Variants in RDX observed in about 807,000 individuals in gnomAD.
RDX encodes deafness, autosomal recessive 24.
RDX carries 32 observed loss-of-function variants against 83.7 expected under a neutral mutation model. The observed-to-expected ratio is 0.38, with a 90% CI of 0.29 to 0.51. RDX has a LOEUF of 0.51. Ranked by LOEUF, RDX falls within the 20% of genes least tolerant of loss-of-function variation. The pLI is 0.87. For synonymous variants in RDX, 229 were observed against 222.7 expected (o/e 1.03, Z -0.25); for missense variants, 600 against 689.9 (o/e 0.87, Z 1.46).
At chr11:110,233,139 G>T in intron 13 of RDX, 98 bp downstream of exon 13, 1 of 1,421,286 alleles carries the variant, frequency 7.0e-7, no homozygotes, top group Non-Finnish European at 9.9e-7. Flanking sequence ...AGGGCAGCCA[G>T]TATTAAAACT....
intron 5 of RDX, among the ~76,000 whole-genome samples, chr11:110,261,559 C>T (rs1323016299): frequency 6.6e-6 from 1 of 151,950 alleles, no homozygotes; most frequent in African/African-American, 2.4e-5. Context: ...AAAAAGTGTC[C>T]GATATACCAT....
intron 1 of RDX, among the ~76,000 whole-genome samples, chr11:110,292,389 G>A (rs955678975): frequency 6.6e-6 from 1 of 152,088 alleles, no homozygotes; most frequent in Non-Finnish European, 1.5e-5. Context: ...AGGATCACTT[G>A]AGCCCAGGAG....
Position 110,257,880 on chromosome 11 carries a change from T to G in RDX, c.585A>C (p.Ala195=). Residue 195 remains alanine (A), a synonymous_variant, in exon 7 of 14, where the codon GCA becomes GCC. Coordinates refer to ENST00000645495, the MANE Select transcript of RDX (RefSeq NM_002906.4). ...EDSMMEYLKI[A]QDLEMYGVNY... ...TGACTCCATACATTTCTAGATCTTG[T>G]GCAATCTTCAGGTATTCCATCATAG... The G allele has an allele frequency of 6.2e-7, 1 of 1,612,452 alleles. No homozygotes were observed. Among genetic ancestry groups the G allele is most frequent in the Admixed American group, 1.7e-5 (1 of 60,004 alleles).
At chr11:110,193,433 G>T (rs1863140507) in intron 15 of RDX, among the ~76,000 whole-genome samples, 1 of 152,034 alleles carries the variant, frequency 6.6e-6, no homozygotes, top group African/African-American at 2.4e-5. Context: ...TCACTACCCG[G>T]GTGACAGGAT....
chr11:110,187,796 C>T (rs1187680575), intron 15 of RDX, among the ~76,000 whole-genome samples: 1 of 152,218 alleles, frequency 6.6e-6, no homozygotes, highest in Non-Finnish European at 1.5e-5. Context: ...GGAGTTCGGA[C>T]CATGGTGCAC....
intron 1 of RDX, among the ~76,000 whole-genome samples, chr11:110,292,733 TAA>T (rs1177459447): frequency 6.6e-6 from 1 of 152,104 alleles, no homozygotes; most frequent in East Asian, 1.9e-4. Flanking sequence ...TCTCAATTAC[TAA>T]TAGCTTTATA....
Position 110,272,616 on chromosome 11 carries a change from T to C in RDX, c.16A>G (p.Asn6Asp), listed in dbSNP as rs533324168. MPKPI[N>D]VRVTTMDAEL... ...GCATCCATTGTAGTTACTCTTACGT[T>C]GATCTGTAATAAAAATAAAAGGAAT... Residue 6 changes from asparagine (N) to aspartate (D), a missense_variant, in exon 3 of 14, where the codon AAC becomes GAC. Physicochemically the swap from Asn to Asp is conservative, Grantham distance 23 (BLOSUM62 1). Transcript: ENST00000645495. The C allele has an allele frequency of 6.9e-6, 11 of 1,604,214 alleles. No homozygotes were observed. Among genetic ancestry groups the C allele is most frequent in the South Asian group, 1.1e-5 (1 of 90,324 alleles).
At chr11:110,275,277 TA>T (rs1212893806) in intron 2 of RDX, among the ~76,000 whole-genome samples, 6 of 152,342 alleles carry the variant, frequency 3.9e-5, no homozygotes, top group African/African-American at 1.4e-4. Context: ...TTAAGATTAC[TA>T]ATCAGCTGAC....
chr11:110,295,846 G>C (rs1861432928), intron 1 of RDX, among the ~76,000 whole-genome samples: 1 of 152,238 alleles, frequency 6.6e-6, no homozygotes, highest in East Asian at 1.9e-4. Context: ...GCTGCGGCCG[G>C]GAACCGCGGC....
intron 3 of RDX, among the ~76,000 whole-genome samples, chr11:110,266,384 A>G (rs1860052078): frequency 2.0e-5 from 3 of 152,266 alleles, no homozygotes; most frequent in African/African-American, 7.2e-5. Flanking sequence ...GAGTTAGGAT[A>G]CACACCCAGG....
At position 110,289,999 on chromosome 11, in the gene RDX, G is replaced by C. The variant is rs534875690; in HGVS notation, c.-65+6468C>G. Among the ~76,000 whole-genome samples the C allele has an allele frequency of 1.7e-4, 20 of 119,686 alleles. No individual in the cohort carries two copies. In the East Asian group the frequency reaches 4.8e-3, roughly 29 times the overall value. 78.5% of individuals were successfully genotyped at this position (119,686 alleles called of 152,430 possible). A position where few individuals can be genotyped will look rare whatever the true frequency, so the allele number is the denominator to read the frequency against. On this transcript the variant is annotated intron_variant, in intron 1 of 13. Coordinates refer to ENST00000645495, the MANE Select transcript of RDX (RefSeq NM_002906.4). ...AAAAAAAAACAAGGGTCCTTACGTT[G>C]CATTAATGCATCCACATTATTCCAT...
intron 14 of RDX, among the ~76,000 whole-genome samples, chr11:110,216,186 C>T (rs1015628433): frequency 1.3e-5 from 2 of 152,104 alleles, no homozygotes; most frequent in African/African-American, 2.4e-5. Context: ...CACTCTCCTC[C>T]GGGGTCACCT....
intron 9 of RDX, among the ~76,000 whole-genome samples, chr11:110,248,911 T>C (rs994789096): frequency 3.3e-5 from 5 of 152,154 alleles, no homozygotes; most frequent in Non-Finnish European, 7.4e-5. Flanking sequence ...CCTTCACAAT[T>C]CCATTAGAAT....
Position 110,263,966 on chromosome 11 carries a change from G to C in RDX, c.461C>G (p.Pro154Arg). 2 of 1,613,190 alleles carry C rather than the reference G, an allele frequency of 1.2e-6. No individual in the cohort carries two copies. The highest frequency in any genetic ancestry group is 1.7e-6 in the Non-Finnish European group (2 of 1,179,300). The change falls in exon 5 of 14, where the codon CCC becomes CGC. Residue 154 changes from proline (P) to arginine (R), a missense_variant. Transcript: ENST00000645495. Reference sequence around the variant, plus strand: ...AAACGCATGTTTCACTTACCGCTGGGGTAGGAGTCTATCATTAGCCAGGTA... The same window carrying C: ...AAACGCATGTTTCACTTACCGCTGGCGTAGGAGTCTATCATTAGCCAGGTA... ...PGYLANDRLL[P>R]QRVLEQHKLT...
chr11:110,177,400 A>C (rs1862797444), intron 15 of RDX, among the ~76,000 whole-genome samples: 1 of 152,184 alleles, frequency 6.6e-6, no homozygotes, highest in South Asian at 2.1e-4. Context: ...AACCCACCAC[A>C]CAGGGTTGTG....
At chr11:110,295,845 G>C (rs991100932) in intron 1 of RDX, among the ~76,000 whole-genome samples, 1 of 152,222 alleles carries the variant, frequency 6.6e-6, no homozygotes, top group Non-Finnish European at 1.5e-5. Flanking sequence ...AGCTGCGGCC[G>C]GGAACCGCGG....
At chr11:110,215,100 C>T (rs1286214591) in intron 14 of RDX, among the ~76,000 whole-genome samples, 1 of 148,250 alleles carries the variant, frequency 6.7e-6, no homozygotes, top group African/African-American at 2.5e-5. Context: ...GTGGCTTATG[C>T]CTGTGATCCC....
chr11:110,221,224 T>C (rs1864235164), intron 14 of RDX, among the ~76,000 whole-genome samples: 1 of 152,174 alleles, frequency 6.6e-6, no homozygotes, highest in African/African-American at 2.4e-5. Flanking sequence ...GTTATTAACA[T>C]GAACTATCAT....
chr11:110,264,926 G>T (rs777090208), intron 3 of RDX, 52 bp from the exon 4 acceptor site: 17 of 1,281,938 alleles, frequency 1.3e-5, no homozygotes, highest in Non-Finnish European at 1.8e-5. Flanking sequence ...CATACACATT[G>T]TGTCTAGATG....
Sources: allele counts gnomAD v4.1 joint callset (sites outside exome capture counted in the v4.1 genomes callset), GRCh38; gene constraint gnomAD v4.1.1; transcripts MANE v1.5; gene names NCBI Gene and HGNC (gene_info 2026-07-23, HGNC 2026-07-21).